The following BMP1 variants were observed in gnomAD, a reference collection of about 807,000 sequenced individuals.
BMP1 encodes mammalian tolloid protein.
In BMP1, 63 loss-of-function variants were observed where a neutral mutation model predicts 116.8. The ratio of observed to expected loss-of-function variants is 0.54; its 90% CI spans 0.44 to 0.67. The LOEUF (loss-of-function observed/expected upper bound fraction) is 0.67, where lower values mean the gene tolerates loss of function less well. Among genes scored for constraint, BMP1 ranks in the 30% least tolerant of loss-of-function variants. The pLI is 0.00. For missense variants in BMP1, 1,183 were observed against 1,358.9 expected (o/e 0.87, Z 2.04); for synonymous variants, 536 against 533.4 (o/e 1.00, Z -0.07).
At chr8:22,189,030 G>A (rs1828857451) in intron 8 of BMP1, among the ~76,000 whole-genome samples, 1 of 152,170 alleles carries the variant, frequency 6.6e-6, no homozygotes, top group South Asian at 2.1e-4. Flanking sequence ...TTTGTTGTTT[G>A]TTAGATATAC....
In BMP1 at chr8:22,165,386, C is replaced by G; in HGVS notation, c.-20C>G. ...CCCTGGCCTCCAGTGCGCCGCTTCC[C>G]TCGCCGCCGCCCCGCCAGCATGCCC... On this transcript the variant is annotated 5_prime_UTR_variant, in exon 1 of 20. Transcript: ENST00000306385. 7.0e-7 allele frequency: 1 copy of G among 1,434,134 alleles called. No homozygotes were observed. Among genetic ancestry groups the G allele is most frequent in the Non-Finnish European group, 9.1e-7 (1 of 1,099,848 alleles). The allele number at this position is 1,434,134 out of a possible 1,614,324, so 88.8% of individuals were successfully genotyped here.
chr8:22,180,700 A>C (rs902766444), intron 8 of BMP1, among the ~76,000 whole-genome samples: 1 of 152,202 alleles, frequency 6.6e-6, no homozygotes. Flanking sequence ...ATTAGTGTTA[A>C]TTTGCACATA....
intron 19 of BMP1, 61 bp downstream of exon 19, chr8:22,209,756 C>T: frequency 1.9e-6 from 3 of 1,559,226 alleles, no homozygotes; most frequent in Non-Finnish European, 2.6e-6. Context: ...TGTCCTCCAC[C>T]CTTCTCAGCC....
intron 19 of BMP1, 61 bp downstream of exon 19, chr8:22,209,756 C>A: frequency 7.7e-6 from 12 of 1,559,226 alleles, no homozygotes; most frequent in Non-Finnish European, 1.0e-5. Flanking sequence ...TGTCCTCCAC[C>A]CTTCTCAGCC....
In BMP1 at chr8:22,179,574, C is replaced by A; in HGVS notation, c.837-131C>A. 1.3e-6 allele frequency: 2 copies of A among 1,517,032 alleles called. No homozygotes were observed. Among genetic ancestry groups the A allele is most frequent in the South Asian group, 2.4e-5 (2 of 84,206 alleles). 94.0% of individuals were successfully genotyped at this position (1,517,032 alleles called of 1,614,324 possible). A position where few individuals can be genotyped will look rare whatever the true frequency, so the allele number is the denominator to read the frequency against. Reference sequence around the variant, plus strand: ...AATGACAGGGTGAGACGACTCCACCCGGCCCTGACCCTGCTGAGGAATGTC... The same window carrying A: ...AATGACAGGGTGAGACGACTCCACCAGGCCCTGACCCTGCTGAGGAATGTC... On this transcript the variant is annotated intron_variant, in intron 6 of 19. Transcript: ENST00000306385. This position sits in a 1 kb window ranked among gnomAD's most constrained non-coding sequence, Gnocchi z 4.6.
intron 6 of BMP1, among the ~76,000 whole-genome samples, chr8:22,178,873 T>C (rs957318966): frequency 6.6e-6 from 1 of 152,152 alleles, no homozygotes; most frequent in East Asian, 1.9e-4. Context: ...ACAGTGGCCC[T>C]GCCCCCTCTT....
At chr8:22,185,903 T>C (rs151258162) in intron 8 of BMP1, among the ~76,000 whole-genome samples, 1 of 149,580 alleles carries the variant, frequency 6.7e-6, no homozygotes, top group Non-Finnish European at 1.5e-5. Context: ...TGACACGATC[T>C]TGGCTCAATA....
At chr8:22,190,996 G>A (rs76176607) in intron 8 of BMP1, among the ~76,000 whole-genome samples, 4,190 of 152,254 alleles carry the variant, frequency 0.028, 206 homozygotes, top group African/African-American at 0.094. Context: ...GGGACCTACC[G>A]AGGAAGTGGT....
intron 8 of BMP1, among the ~76,000 whole-genome samples, chr8:22,191,013 CCGGAAG>C (rs766229792): frequency 1.4e-4 from 21 of 152,288 alleles, no homozygotes; most frequent in Non-Finnish European, 2.2e-4. Flanking sequence ...TGGTTTCCCC[CCGGAAG>C]TGGAGGGAAG....
chr8:22,173,739 T>G, intron 2 of BMP1, 24 bp downstream of exon 2: 1 of 1,575,624 alleles, frequency 6.3e-7, no homozygotes, highest in Non-Finnish European at 8.7e-7. Context: ...CAATGGGCCC[T>G]CTGTGTCCTA....
At chr8:22,201,274 G>A (rs1051508557) in intron 15 of BMP1, 27 of 1,543,446 alleles carry the variant, frequency 1.7e-5, no homozygotes, top group African/African-American at 9.7e-5. Context: ...TGGGGGCTTC[G>A]GTGCCCACCA....
At chr8:22,190,228 A>C (rs977068420) in intron 8 of BMP1, among the ~76,000 whole-genome samples, 1 of 152,234 alleles carries the variant, frequency 6.6e-6, no homozygotes, top group South Asian at 2.1e-4. Context: ...CTTGGCCTGT[A>C]GTGTGCTTTT....
intron 18 of BMP1, among the ~76,000 whole-genome samples, chr8:22,208,497 C>A (rs952174136): frequency 6.6e-6 from 1 of 152,206 alleles, no homozygotes; most frequent in African/African-American, 2.4e-5. Context: ...AAAGGCACCC[C>A]GGCCTAACTG....
chr8:22,198,074 A>G (rs1434064036), intron 15 of BMP1, among the ~76,000 whole-genome samples: 1 of 152,054 alleles, frequency 6.6e-6, no homozygotes, highest in African/African-American at 2.4e-5. Flanking sequence ...AGTCTCAACT[A>G]CTTAGGAGGC....
intron 6 of BMP1, among the ~76,000 whole-genome samples, chr8:22,178,193 G>A (rs1200728391): frequency 6.6e-6 from 1 of 152,256 alleles, no homozygotes; most frequent in African/African-American, 2.4e-5. Flanking sequence ...ACCTGGCGGA[G>A]GAGGCTGAAC....
rs1829119085 is a variant in BMP1, at chr8:22,197,242, G to A, written c.1929G>A (p.Val643=). The A allele has an allele frequency of 6.2e-7, 1 of 1,608,554 alleles. No individual in the cohort carries two copies. Among genetic ancestry groups the A allele is most frequent in the Non-Finnish European group, 8.5e-7 (1 of 1,175,424 alleles). Residue 643 remains valine, a splice_region_variant and synonymous_variant, in exon 15 of 20, where the codon GTG becomes GTA. Coordinates refer to ENST00000306385, the MANE Select transcript of BMP1 (RefSeq NM_006129.5). ...FDFFETEGND[V]CKYDFVEVRS... is the part of the protein sequence containing the mutation. ...CCTGGAGCTGGGCTTCCCTGCAGGTGTGCAAGTACGACTTCGTGGAGGTGC... is the reference window on the plus strand; with the variant it reads ...CCTGGAGCTGGGCTTCCCTGCAGGTATGCAAGTACGACTTCGTGGAGGTGC...
chr8:22,167,299 C>T (rs528564500), intron 1 of BMP1, among the ~76,000 whole-genome samples: 2 of 152,262 alleles, frequency 1.3e-5, no homozygotes, highest in Admixed American at 6.5e-5. Flanking sequence ...AGCTTACAGT[C>T]CAGTAGGGAC....
intron 1 of BMP1, among the ~76,000 whole-genome samples, chr8:22,169,134 C>G (rs1457005657): frequency 1.3e-5 from 2 of 148,732 alleles, no homozygotes; most frequent in Admixed American, 6.8e-5. Flanking sequence ...CTGTAGTGAG[C>G]TATGATTGTG....
rs149003237 is a variant in BMP1 at position 22,165,882 on chromosome 8, CGTGTGTGTGTGTGT to C, written c.148+360_148+373del. 3.7e-3 allele frequency among the ~76,000 whole-genome samples: 492 copies of C among 131,416 alleles called. 2 individuals are homozygous for C. The highest frequency in any genetic ancestry group is 0.013 in the African/African-American group (467 of 34,698). The allele number at this position is 131,416 out of a possible 152,430, so 86.2% of individuals were successfully genotyped here. A position where few individuals can be genotyped will look rare whatever the true frequency, so the allele number is the denominator to read the frequency against. ...TTTTCTGGCCAAACTCCTGTGCGTGCGTGTGTGTGTGTGTGTGTGTGTGTGTGTGTGTGTGTGTG... is the reference window on the plus strand; with the variant it reads ...TTTTCTGGCCAAACTCCTGTGCGTGCGTGTGTGTGTGTGTGTGTGTGTGTG... On this transcript the variant is annotated intron_variant, in intron 1 of 19. Coordinates refer to ENST00000306385, the MANE Select transcript of BMP1 (RefSeq NM_006129.5).
Sources: gnomAD v4.1 joint callset for allele counts (sites outside exome capture counted in the v4.1 genomes callset) on GRCh38, gnomAD v4.1.1 for gene constraint, Gnocchi (gnomAD v3.1) non-coding constraint, MANE v1.5 for transcripts, NCBI Gene and HGNC (gene_info 2026-07-23, HGNC 2026-07-21) for gene names.